The following CALN1 variants were observed in gnomAD, a reference collection of about 807,000 sequenced individuals.
CALN1 encodes calneuron 1.
CALN1 carries 17 observed loss-of-function variants against 30.6 expected under a neutral mutation model. The observed-to-expected ratio is 0.56, with a 90% CI of 0.38 to 0.83. The LOEUF (loss-of-function observed/expected upper bound fraction) is 0.83, where lower values mean the gene tolerates loss of function less well. Among genes scored for constraint, CALN1 ranks in the 40% least tolerant of loss-of-function variants. CALN1 has a pLI of 0.00. For synonymous variants in CALN1, 156 were observed against 131.4 expected (o/e 1.19, Z -1.28); for missense variants, 291 against 354.9 (o/e 0.82, Z 1.45).
intron 4 of CALN1, among the ~76,000 whole-genome samples, chr7:72,036,006 T>C (rs1801775179): frequency 6.6e-6 from 1 of 152,246 alleles, no homozygotes; most frequent in Non-Finnish European, 1.5e-5. Context: ...GGACTCTCCT[T>C]AGCCTCTGTT....
chr7:71,943,995 A>G (rs1796269225), intron 5 of CALN1, among the ~76,000 whole-genome samples: 2 of 152,230 alleles, frequency 1.3e-5, no homozygotes. Flanking sequence ...AATGAACTCA[A>G]GTTTTGGAAC....
At chr7:72,315,984 TA>T (rs111795111) in intron 2 of CALN1, among the ~76,000 whole-genome samples, 2 of 150,228 alleles carry the variant, frequency 1.3e-5, no homozygotes, top group Non-Finnish European at 3.0e-5. Context: ...CCGTCTCTAC[TA>T]AAAAAAAATA....
intron 5 of CALN1, among the ~76,000 whole-genome samples, chr7:71,876,585 T>C (rs1792256712): frequency 6.6e-6 from 1 of 152,226 alleles, no homozygotes; most frequent in Admixed American, 6.5e-5. Flanking sequence ...AGCTAACTTT[T>C]ATTGATTCTT....
At chr7:72,071,915 A>G (rs1272563913) in intron 4 of CALN1, among the ~76,000 whole-genome samples, 1 of 152,244 alleles carries the variant, frequency 6.6e-6, no homozygotes, top group Non-Finnish European at 1.5e-5. Flanking sequence ...GGGTGATTTG[A>G]GCAGGCAGAA....
intron 5 of CALN1, among the ~76,000 whole-genome samples, chr7:71,915,226 G>C (rs185829151): frequency 6.0e-4 from 91 of 152,336 alleles, no homozygotes; most frequent in Admixed American, 5.5e-3. Flanking sequence ...AAGCCCAAGA[G>C]AGGATTAACT....
chr7:72,466,304 A>C, the CALN1 span, among the ~76,000 whole-genome samples: 2 of 152,124 alleles, frequency 1.3e-5, no homozygotes, highest in Non-Finnish European at 2.9e-5. Context: ...AAAGAGAAGG[A>C]ACTGGTTCTG....
intron 2 of CALN1, among the ~76,000 whole-genome samples, chr7:72,383,758 T>C (rs1805046954): frequency 6.6e-6 from 1 of 152,174 alleles, no homozygotes; most frequent in African/African-American, 2.4e-5. Context: ...GAATAAGCAA[T>C]GATTTCACAG....
intron 5 of CALN1, among the ~76,000 whole-genome samples, chr7:71,934,868 AAGAG>A (rs1321898752): frequency 6.6e-6 from 1 of 152,180 alleles, no homozygotes; most frequent in African/African-American, 2.4e-5. Flanking sequence ...GGTGGCAGAG[AAGAG>A]AGAGAACTTG....
intron 2 of CALN1, among the ~76,000 whole-genome samples, chr7:72,368,668 C>T (rs1402257405): frequency 6.6e-6 from 1 of 152,018 alleles, no homozygotes; most frequent in Non-Finnish European, 1.5e-5. Flanking sequence ...GATTGATACG[C>T]TTTCTCCCAA....
At chr7:71,948,629 G>A (rs1796527086) in intron 5 of CALN1, among the ~76,000 whole-genome samples, 1 of 151,588 alleles carries the variant, frequency 6.6e-6, no homozygotes, top group Non-Finnish European at 1.5e-5. Context: ...TACTTGGGAG[G>A]CTGAGGCATG....
intron 3 of CALN1, among the ~76,000 whole-genome samples, chr7:72,221,687 C>T (rs770941499): frequency 2.0e-5 from 3 of 151,970 alleles, no homozygotes; most frequent in East Asian, 1.9e-4. Flanking sequence ...GTCAGGAGTT[C>T]GAGACCAGCC....
intron 3 of CALN1, among the ~76,000 whole-genome samples, chr7:72,261,984 T>A (rs1290641839): frequency 6.6e-6 from 1 of 152,168 alleles, no homozygotes; most frequent in Non-Finnish European, 1.5e-5. Context: ...ACACGGATGG[T>A]TGGGCTCTTC....
At chr7:72,365,604 A>C (rs1222030316) in intron 2 of CALN1, among the ~76,000 whole-genome samples, 2 of 151,850 alleles carry the variant, frequency 1.3e-5, no homozygotes, top group Non-Finnish European at 2.9e-5. Flanking sequence ...AAATTTTTTA[A>C]ATTTTTTTGT....
chr7:72,015,688 C>T (rs1037037792), intron 5 of CALN1, among the ~76,000 whole-genome samples: 5 of 152,130 alleles, frequency 3.3e-5, no homozygotes, highest in African/African-American at 1.2e-4. Flanking sequence ...AAGAGAGCCT[C>T]CCACCTCTGC....
At chr7:71,987,357 G>A (rs919031164) in intron 5 of CALN1, among the ~76,000 whole-genome samples, 2 of 152,210 alleles carry the variant, frequency 1.3e-5, no homozygotes, top group Admixed American at 6.5e-5. Flanking sequence ...AAGTCCATGC[G>A]GGGGCTGTGA....
intron 3 of CALN1, among the ~76,000 whole-genome samples, chr7:72,217,118 G>A (rs1792883597): frequency 6.6e-6 from 1 of 152,164 alleles, no homozygotes. Flanking sequence ...ATTAAGAAAA[G>A]TACCTTTTTG....
intron 1 of CALN1, among the ~76,000 whole-genome samples, chr7:72,421,304 C>A (rs888602542): frequency 6.6e-6 from 1 of 152,114 alleles, no homozygotes; most frequent in Non-Finnish European, 1.5e-5. Context: ...TCCATTAGAT[C>A]GCTCTGTATG....
chr7:72,327,732 A>G (rs533430862), intron 2 of CALN1, among the ~76,000 whole-genome samples: 1 of 152,350 alleles, frequency 6.6e-6, no homozygotes, highest in East Asian at 1.9e-4. Flanking sequence ...GTTCAGAAAT[A>G]AGCTTTTAAT....
At chr7:71,988,408 T>A (rs1414597762) in intron 5 of CALN1, among the ~76,000 whole-genome samples, 1 of 152,056 alleles carries the variant, frequency 6.6e-6, no homozygotes, top group African/African-American at 2.4e-5. Flanking sequence ...GCACAGAAAC[T>A]GCGGCAGAGG....
Sources: gnomAD v4.1 joint callset for allele counts (sites outside exome capture counted in the v4.1 genomes callset) on GRCh38, gnomAD v4.1.1 for gene constraint, MANE v1.5 for transcripts, NCBI Gene and HGNC (gene_info 2026-07-23, HGNC 2026-07-21) for gene names.